FER1L5: variants seen among roughly 807,000 people sequenced by gnomAD.
The protein encoded by FER1L5 is fer-1-like protein 5.
FER1L5 carries 187 observed loss-of-function variants against 279.9 expected under a neutral mutation model. The ratio of observed to expected loss-of-function variants is 0.67; its 90% CI spans 0.59 to 0.75. FER1L5 has a LOEUF of 0.75. FER1L5 is among the 30% of genes least tolerant of loss of function. The pLI, the probability that FER1L5 is intolerant of heterozygous loss-of-function variation, is 0.00. For synonymous variants in FER1L5, 921 were observed against 989.7 expected (o/e 0.93, Z 1.30); for missense variants, 2,091 against 2,594.4 (o/e 0.81, Z 4.21).
intron 23 of FER1L5, among the ~76,000 whole-genome samples, chr2:96,686,685 G>A (rs889680954): frequency 3.3e-5 from 5 of 151,794 alleles, no homozygotes; most frequent in Admixed American, 6.6e-5. Context: ...GTGAAACCCC[G>A]TCTCCACTAA....
rs1292029448 is a variant in FER1L5, at chr2:96,691,643, C to T, written c.3075+31C>T. 2.0e-6 allele frequency: 3 copies of T among 1,508,078 alleles called. No individual in the cohort carries two copies. The highest frequency in any genetic ancestry group is 4.9e-5 in the East Asian group (2 of 40,578). 93.4% of individuals were successfully genotyped at this position (1,508,078 alleles called of 1,614,324 possible). On this transcript the variant is annotated intron_variant, in intron 29 of 52. Coordinates refer to ENST00000624922, the MANE Select transcript of FER1L5 (RefSeq NM_001293083.2). This position sits in a 1 kb window ranked among gnomAD's most constrained non-coding sequence, Gnocchi z 6.0. ...GCCTCACAGGCTGGGTGATGCCTGCCTGTAACCCCACCTCCCAGAGAAGCC... is the reference window on the plus strand; with the variant it reads ...GCCTCACAGGCTGGGTGATGCCTGCTTGTAACCCCACCTCCCAGAGAAGCC...
intron 14 of FER1L5, among the ~76,000 whole-genome samples, chr2:96,668,473 G>A (rs1339855671): frequency 1.3e-5 from 2 of 152,136 alleles, no homozygotes; most frequent in African/African-American, 2.4e-5. Flanking sequence ...GGTGTAGGCT[G>A]TAGTGAGCTA....
intron 19 of FER1L5, among the ~76,000 whole-genome samples, chr2:96,682,051 G>T (rs2076748884): frequency 6.6e-6 from 1 of 151,790 alleles, no homozygotes; most frequent in Non-Finnish European, 1.5e-5. Context: ...CTCCCAAAAT[G>T]CTGGGATTAC....
chr2:96,667,550 T>C (rs974014412), intron 14 of FER1L5, among the ~76,000 whole-genome samples: 7 of 152,132 alleles, frequency 4.6e-5, no homozygotes, highest in African/African-American at 1.4e-4. Flanking sequence ...TTTCTCCATG[T>C]TGGCCAGGCT....
chr2:96,701,002 G>C (rs2077568557), intron 45 of FER1L5, among the ~76,000 whole-genome samples: 1 of 152,202 alleles, frequency 6.6e-6, no homozygotes, highest in South Asian at 2.1e-4. Flanking sequence ...GTCCTCTGCT[G>C]AGCAAAATTT....
chr2:96,664,721 T>C (rs898733844), intron 14 of FER1L5, among the ~76,000 whole-genome samples: 1 of 152,212 alleles, frequency 6.6e-6, no homozygotes, highest in African/African-American at 2.4e-5. Context: ...CTAGATTCTA[T>C]GGTAGATGTA....
chr2:96,691,607 T>C lies in FER1L5; in HGVS notation c.3070T>C (p.Ser1024Pro), dbSNP rs1223612922. The change falls in exon 29 of 53, where the codon TCC (serine) becomes CCC (proline). Residue 1024 changes from serine (S) to proline (P), a missense_variant. Coordinates refer to ENST00000624922, the MANE Select transcript of FER1L5 (RefSeq NM_001293083.2). This position sits in a 1 kb window ranked among gnomAD's most constrained non-coding sequence, Gnocchi z 6.0. ...GIAPIFLLEG[S>P]LAMDLKYHAG... ...CGCGCCCATATTCCTCCTGGAGGGGTCCTTGGTAAAGCCTCACAGGCTGGG... is the reference window on the plus strand; with the variant it reads ...CGCGCCCATATTCCTCCTGGAGGGGCCCTTGGTAAAGCCTCACAGGCTGGG... The C allele has an allele frequency of 5.3e-6, 8 of 1,522,424 alleles. No individual in the cohort carries two copies. Among genetic ancestry groups the C allele is most frequent in the Non-Finnish European group, 7.1e-6 (8 of 1,132,274 alleles). 94.3% of individuals were successfully genotyped at this position (1,522,424 alleles called of 1,614,324 possible). A position where few individuals can be genotyped will look rare whatever the true frequency, so the allele number is the denominator to read the frequency against.
At chr2:96,655,652 A>G (rs1379233531) in intron 9 of FER1L5, among the ~76,000 whole-genome samples, 1 of 152,210 alleles carries the variant, frequency 6.6e-6, no homozygotes, top group Non-Finnish European at 1.5e-5. Context: ...TGATTTCTAG[A>G]CAGTGACCAA....
intron 8 of FER1L5, chr2:96,654,025 T>C (rs561109022): frequency 2.4e-4 from 94 of 397,558 alleles, no homozygotes; most frequent in Non-Finnish European, 3.5e-4. Context: ...AGGGAGCCAG[T>C]AACAATGTGG....
intron 9 of FER1L5, among the ~76,000 whole-genome samples, chr2:96,657,041 GTTTT>G (rs991672202): frequency 2.0e-5 from 3 of 148,706 alleles, no homozygotes; most frequent in African/African-American, 7.4e-5. Flanking sequence ...TTTCTATTCT[GTTTT>G]TTTATTTTTA....
At chr2:96,684,956 T>C (rs1346044538) in intron 20 of FER1L5, among the ~76,000 whole-genome samples, 1 of 151,812 alleles carries the variant, frequency 6.6e-6, no homozygotes, top group Non-Finnish European at 1.5e-5. Context: ...GATAAGACCA[T>C]AGAAGCTGGA....
chr2:96,653,581 G>A, intron 7 of FER1L5, 59 bp from the exon 8 acceptor site: 1 of 1,308,948 alleles, frequency 7.6e-7, no homozygotes, highest in Non-Finnish European at 1.1e-6. Context: ...GGTTTACTGA[G>A]TGCTTGGGTG....
rs767002620 is a variant in FER1L5, at chr2:96,703,260, T to C, written c.5605T>C (p.Tyr1869His). Residue 1869 changes from tyrosine (Y) to histidine (H), a missense_variant, in exon 50 of 53, where the codon TAC (tyrosine) becomes CAC (histidine). Physicochemically the swap from Tyr to His is moderately conservative, Grantham distance 83. Transcript: ENST00000624922. The part of the protein sequence containing the change: ...ADPKWPYFIQ[Y>H]KHFSLFKKKT... Reference sequence around the variant, plus strand: ...CCCCAAGTGGCCCTATTTCATCCAATACAAGCACTTCTCCCTCTTTAAGAA... The same window carrying C: ...CCCCAAGTGGCCCTATTTCATCCAACACAAGCACTTCTCCCTCTTTAAGAA... 9 of 1,613,812 alleles carry C rather than the reference T, an allele frequency of 5.6e-6. No individual in the cohort carries two copies. The highest frequency in any genetic ancestry group is 6.8e-6 in the Non-Finnish European group (8 of 1,179,886).
At chr2:96,644,188 AAAG>A (rs914705871) in intron 1 of FER1L5, among the ~76,000 whole-genome samples, 2 of 144,858 alleles carry the variant, frequency 1.4e-5, no homozygotes, top group Non-Finnish European at 3.0e-5. Context: ...AAAAAAAAAA[AAAG>A]AAAGAGGCTG....
chr2:96,659,409 CT>C (rs2075812649), intron 9 of FER1L5, among the ~76,000 whole-genome samples: 86 of 5,418 alleles, frequency 0.016, 7 homozygotes, highest in Non-Finnish European at 0.018. Context: ...TTCTTTCTTT[CT>C]TTCTTTCTTT....
At position 96,644,187 on chromosome 2, in the gene FER1L5, A is replaced by G. The variant is rs567417119; in HGVS notation, c.85+1266A>G. On this transcript the variant is annotated intron_variant, in intron 1 of 52. Coordinates refer to ENST00000624922, the MANE Select transcript of FER1L5 (RefSeq NM_001293083.2). ...ATGAGGTGCCTTCAAAAAAAAAAAA[A>G]AAAGAAAGAGGCTGGGCATGGTGGC... Among the ~76,000 whole-genome samples the G allele has an allele frequency of 1.1e-4, 17 of 150,342 alleles. No homozygotes were observed. In the East Asian group the frequency reaches 1.2e-3, roughly 10 times the overall value.
intron 6 of FER1L5, 89 bp downstream of exon 6, chr2:96,650,378 C>A: frequency 1.8e-6 from 2 of 1,112,222 alleles, no homozygotes; most frequent in South Asian, 2.8e-5. Flanking sequence ...TCCCCAAGGT[C>A]ATGGTAGAAG....
intron 1 of FER1L5, among the ~76,000 whole-genome samples, chr2:96,645,845 A>G (rs1165831309): frequency 6.6e-6 from 1 of 152,120 alleles, no homozygotes; most frequent in Non-Finnish European, 1.5e-5. Context: ...AAGAAAGAAA[A>G]TGAAATGAAC....
chr2:96,672,657 T>C (rs2076369639), intron 18 of FER1L5, among the ~76,000 whole-genome samples: 1 of 136,884 alleles, frequency 7.3e-6, no homozygotes, highest in Admixed American at 7.2e-5. Context: ...TCTGGGAGTA[T>C]GAATGTGTGT....
Sources: gnomAD v4.1 joint callset for allele counts (sites outside exome capture counted in the v4.1 genomes callset) on GRCh38, gnomAD v4.1.1 for gene constraint, Gnocchi (gnomAD v3.1) non-coding constraint, MANE v1.5 for transcripts, NCBI Gene and HGNC (gene_info 2026-07-23, HGNC 2026-07-21) for gene names.